The following GRIA1 variants were observed in gnomAD, a reference collection of about 807,000 sequenced individuals.
The protein encoded by GRIA1 is glutamate receptor 1.
A neutral mutation model predicts 99.2 loss-of-function variants in GRIA1; 31 were observed. The ratio of observed to expected loss-of-function variants is 0.31; its 90% confidence interval spans 0.23 to 0.42. GRIA1 has a LOEUF of 0.42. Ranked by LOEUF, GRIA1 falls within the 10% of genes least tolerant of loss-of-function variation. The pLI, the probability that GRIA1 is intolerant of heterozygous loss-of-function variation, is 1.00. For synonymous variants in GRIA1, 438 were observed against 432.4 expected (o/e 1.01, Z -0.16); for missense variants, 782 against 1,157.5 (o/e 0.68, Z 4.71).
chr5:153,584,324 G>A (rs1256163145), intron 2 of GRIA1, among the ~76,000 whole-genome samples: 1 of 152,156 alleles, frequency 6.6e-6, no homozygotes, highest in African/African-American at 2.4e-5. Context: ...CATGTGGGTG[G>A]GTTCTTAGGA....
intron 5 of GRIA1, 129 bp from the exon 6 acceptor site, chr5:153,674,371 C>T: frequency 1.0e-6 from 1 of 970,440 alleles, no homozygotes; most frequent in East Asian, 2.4e-5. Context: ...GGAAAGGAGG[C>T]CTAACTGTCT....
chr5:153,786,311 C>G (rs1044673862), intron 13 of GRIA1, among the ~76,000 whole-genome samples: 1 of 152,112 alleles, frequency 6.6e-6, no homozygotes, highest in African/African-American at 2.4e-5. Context: ...CATGACTACA[C>G]TCCTCGGGTG....
chr5:153,768,672 G>A (rs115670658), intron 12 of GRIA1, among the ~76,000 whole-genome samples: 2,068 of 152,142 alleles, frequency 0.014, 20 homozygotes, highest in South Asian at 0.021. Context: ...AACAGTTGAC[G>A]TGCGCTAATA....
At chr5:153,529,663 G>A (rs922650776) in intron 2 of GRIA1, among the ~76,000 whole-genome samples, 2 of 152,284 alleles carry the variant, frequency 1.3e-5, no homozygotes, top group Non-Finnish European at 2.9e-5. Context: ...CAGGATTGCA[G>A]ACTTGGAATC....
intron 2 of GRIA1, among the ~76,000 whole-genome samples, chr5:153,584,397 G>C (rs1186568113): frequency 6.6e-6 from 1 of 152,154 alleles, no homozygotes; most frequent in East Asian, 1.9e-4. Context: ...ATGTTACTCA[G>C]TGGAAATATT....
At chr5:153,600,371 G>A (rs945867370) in intron 2 of GRIA1, among the ~76,000 whole-genome samples, 9 of 113,446 alleles carry the variant, frequency 7.9e-5, no homozygotes, top group African/African-American at 2.4e-4. Context: ...CAGCCTGGGC[G>A]ACAGAGCGAG....
intron 8 of GRIA1, among the ~76,000 whole-genome samples, chr5:153,696,054 G>A (rs191149706): frequency 6.6e-6 from 1 of 152,134 alleles, no homozygotes; most frequent in South Asian, 2.1e-4. Context: ...GTGTTCTAAT[G>A]GGAACGTACA....
intron 15 of GRIA1, among the ~76,000 whole-genome samples, chr5:153,808,781 AAG>A (rs1766612257): frequency 6.6e-6 from 1 of 152,224 alleles, no homozygotes; most frequent in Non-Finnish European, 1.5e-5. Flanking sequence ...TGTATTCAAA[AAG>A]AAGCCAGTGA....
intron 8 of GRIA1, among the ~76,000 whole-genome samples, chr5:153,693,861 A>T (rs946277054): frequency 1.3e-5 from 2 of 152,218 alleles, no homozygotes; most frequent in African/African-American, 4.8e-5. Flanking sequence ...AAAGAAAGGA[A>T]AATTTGCTCT....
At chr5:153,626,163 C>T (rs1301377594) in intron 2 of GRIA1, among the ~76,000 whole-genome samples, 2 of 152,122 alleles carry the variant, frequency 1.3e-5, no homozygotes, top group East Asian at 3.8e-4. Context: ...GATGATTCAG[C>T]AAAATGGCAG....
intron 11 of GRIA1, among the ~76,000 whole-genome samples, chr5:153,754,415 G>A (rs1762688856): frequency 6.6e-6 from 1 of 152,126 alleles, no homozygotes; most frequent in Admixed American, 6.5e-5. Flanking sequence ...CATTCAGTAG[G>A]CGGGGATGTA....
chr5:153,696,486 C>A (rs1344139474), intron 8 of GRIA1, among the ~76,000 whole-genome samples: 2 of 152,188 alleles, frequency 1.3e-5, no homozygotes, highest in Non-Finnish European at 2.9e-5. Flanking sequence ...GACGAAATGG[C>A]ATGAAAACTG....
At chr5:153,679,284 A>C (rs2149490199) in intron 7 of GRIA1, among the ~76,000 whole-genome samples, 1 of 150,588 alleles carries the variant, frequency 6.6e-6, no homozygotes, top group East Asian at 1.9e-4. Flanking sequence ...AAATAAATAA[A>C]TAAATAAACA....
chr5:153,610,540 G>C (rs1032109625), intron 2 of GRIA1, among the ~76,000 whole-genome samples: 1 of 152,214 alleles, frequency 6.6e-6, no homozygotes, highest in Non-Finnish European at 1.5e-5. Flanking sequence ...GAATTTCTGA[G>C]TATAGCTACT....
Position 153,746,273 on chromosome 5 carries a change from A to G in GRIA1, c.1824-18161A>G, listed in dbSNP as rs531689346. 3.8e-4 allele frequency among the ~76,000 whole-genome samples: 58 copies of G among 152,282 alleles called. 1 individual carries two copies. In the South Asian group the frequency reaches 0.012, roughly 31 times the overall value. Reference sequence around the variant, plus strand: ...CTGTTCTGCTAGCTCAGTTGGGGATATGTGGGAGGGAGGGACTGAGTGTGC... The same window carrying G: ...CTGTTCTGCTAGCTCAGTTGGGGATGTGTGGGAGGGAGGGACTGAGTGTGC... On this transcript the variant is annotated intron_variant, in intron 11 of 15. Transcript: ENST00000285900.
At chr5:153,565,611 C>A (rs1303793250) in intron 2 of GRIA1, among the ~76,000 whole-genome samples, 2 of 152,176 alleles carry the variant, frequency 1.3e-5, no homozygotes, top group Non-Finnish European at 2.9e-5. Flanking sequence ...AGCACCCTCC[C>A]ACCATCAGGT....
chr5:153,586,394 G>A (rs188795827), intron 2 of GRIA1, among the ~76,000 whole-genome samples: 1 of 152,300 alleles, frequency 6.6e-6, no homozygotes, highest in Admixed American at 6.5e-5. Context: ...CGAGTAAGGA[G>A]ACTAAAATGT....
chr5:153,716,608 G>A (rs571041915), intron 11 of GRIA1, among the ~76,000 whole-genome samples: 270 of 152,154 alleles, frequency 1.8e-3, no homozygotes, highest in Admixed American at 5.6e-3. Context: ...CTGCTCAGCT[G>A]GAGTGAGGGA....
intron 2 of GRIA1, among the ~76,000 whole-genome samples, chr5:153,553,787 C>T (rs1242853824): frequency 6.6e-6 from 1 of 152,158 alleles, no homozygotes. Flanking sequence ...TTTTTCTATC[C>T]ATTGGGAAAC....
Sources: gnomAD v4.1 joint callset for allele counts (sites outside exome capture counted in the v4.1 genomes callset) on GRCh38, gnomAD v4.1.1 for gene constraint, MANE v1.5 for transcripts, NCBI Gene and HGNC (gene_info 2026-07-23, HGNC 2026-07-21) for gene names.